Variants in HSD11B1 observed in about 807,000 individuals in gnomAD.
HSD11B1 encodes the protein hydroxysteroid 11-beta dehydrogenase 1, also known as 11-beta-hydroxysteroid dehydrogenase 1.
In HSD11B1, 15 loss-of-function variants were observed where a neutral mutation model predicts 22.1. The ratio of observed to expected loss-of-function variants is 0.68; its 90% confidence interval spans 0.45 to 1.04. HSD11B1 has a LOEUF of 1.04. Among genes scored for constraint, HSD11B1 ranks in the 50% least tolerant of loss-of-function variants. The pLI is 0.00. For missense variants in HSD11B1, 281 were observed against 357.6 expected, an observed-to-expected ratio of 0.79 and a Z score of 1.73; for synonymous variants, 122 against 125.2, an observed-to-expected ratio of 0.97 and a Z score of 0.17.
intron 4 of HSD11B1, 93 bp from the exon 5 acceptor site, chr1:209,732,343 A>T: frequency 7.3e-7 from 1 of 1,365,408 alleles, no homozygotes; most frequent in South Asian, 1.2e-5. Context: ...AAAGGGGTAA[A>T]AGGACACCAT....
chr1:209,718,500 A>AT (rs1451654490), intron 4 of HSD11B1, among the ~76,000 whole-genome samples: 2 of 152,188 alleles, frequency 1.3e-5, no homozygotes, highest in African/African-American at 2.4e-5. Flanking sequence ...GGAAATGCAA[A>AT]TTGAAACTAC....
chr1:209,710,813 T>C (rs542389618), intron 4 of HSD11B1, among the ~76,000 whole-genome samples: 5 of 152,346 alleles, frequency 3.3e-5, no homozygotes, highest in Non-Finnish European at 2.9e-5. Flanking sequence ...CTTGAGAAGC[T>C]CCATAAGTGT....
At chr1:209,720,579 C>T (rs1223378729) in intron 4 of HSD11B1, among the ~76,000 whole-genome samples, 1 of 150,770 alleles carries the variant, frequency 6.6e-6, no homozygotes, top group Non-Finnish European at 1.5e-5. Context: ...GGCATATCAG[C>T]TTGTACAAAA....
At chr1:209,726,623 C>G (rs2077004397) in intron 4 of HSD11B1, among the ~76,000 whole-genome samples, 1 of 152,116 alleles carries the variant, frequency 6.6e-6, no homozygotes, top group East Asian at 1.9e-4. Flanking sequence ...TTAAACCATA[C>G]AAGCATCCAT....
chr1:209,700,712 T>C (rs927213690), upstream of HSD11B1, among the ~76,000 whole-genome samples: 4 of 152,362 alleles, frequency 2.6e-5, no homozygotes, highest in Admixed American at 2.6e-4. Flanking sequence ...TGAACTTTTA[T>C]GCTAGTTTTC....
chr1:209,709,447 T>C lies in HSD11B1; in HGVS notation c.517+2319T>C, dbSNP rs575888258. ...CATCCCGTTACATTGATTAGCCTCC[T>C]CTCCTTCCACCACTTGCTAGTTAGG... On this transcript the variant is annotated intron_variant, in intron 4 of 5. Transcript: ENST00000367027. Among the ~76,000 whole-genome samples the C allele has an allele frequency of 3.3e-5, 5 of 152,334 alleles. No individual in the cohort carries two copies. In the South Asian group the frequency reaches 8.3e-4, roughly 25 times the overall value.
chr1:209,714,785 A>C (rs2076920067), intron 4 of HSD11B1, among the ~76,000 whole-genome samples: 1 of 152,230 alleles, frequency 6.6e-6, no homozygotes, highest in African/African-American at 2.4e-5. Flanking sequence ...AGGTGGCAGC[A>C]CAGATTGAAA....
intron 4 of HSD11B1, among the ~76,000 whole-genome samples, chr1:209,722,086 C>T (rs959648383): frequency 6.6e-6 from 1 of 152,122 alleles, no homozygotes; most frequent in Non-Finnish European, 1.5e-5. Context: ...CAGGCAGAAC[C>T]GGTTTGGGCC....
At position 209,734,409 on chromosome 1, in the gene HSD11B1, T is replaced by C; in HGVS notation, c.767T>C (p.Val256Ala). Reference sequence around the variant, plus strand: ...GGGGGAGCTCTGCGCCAAGAAGAAGTGTATTATGACAGCTCACTCTGGACC... The same window carrying C: ...GGGGGAGCTCTGCGCCAAGAAGAAGCGTATTATGACAGCTCACTCTGGACC... The part of the protein sequence containing the change: ...IKGGALRQEE[V>A]YYDSSLWTTL... Residue 256 changes from valine to alanine, a missense_variant, in exon 6 of 6, where the codon GTG (valine) becomes GCG (alanine). Coordinates refer to ENST00000367027, the MANE Select transcript of HSD11B1 (RefSeq NM_005525.4). 6.2e-7 allele frequency: 1 copy of C among 1,614,004 alleles called. No homozygotes were observed. The highest frequency in any genetic ancestry group is 8.5e-7 in the Non-Finnish European group (1 of 1,179,956).
chr1:209,698,052 A>G (rs1262984630), intron 1 of HSD11B1, among the ~76,000 whole-genome samples: 1 of 151,438 alleles, frequency 6.6e-6, no homozygotes, highest in African/African-American at 2.4e-5. Flanking sequence ...TAGTGTAAGT[A>G]TGTTCCTTTC....
At chr1:209,689,324 T>C (rs1362223740) in intron 1 of HSD11B1, among the ~76,000 whole-genome samples, 1 of 152,094 alleles carries the variant, frequency 6.6e-6, no homozygotes, top group Non-Finnish European at 1.5e-5. Context: ...ACTACAGACA[T>C]TGATGTGTGG....
intron 4 of HSD11B1, 45 bp from the exon 5 acceptor site, chr1:209,732,391 G>A: frequency 1.2e-6 from 2 of 1,612,666 alleles, no homozygotes; most frequent in Non-Finnish European, 1.7e-6. Flanking sequence ...GTAAGAAGGT[G>A]AAATGGGCAG....
In HSD11B1 at chr1:209,694,247, C is replaced by T. The variant is rs2076777753; in HGVS notation, c.-49+7962C>T. Among the ~76,000 whole-genome samples the T allele has an allele frequency of 2.0e-5, 3 of 152,304 alleles. 1 individual carries two copies. The highest frequency in any genetic ancestry group is 4.4e-5 in the Non-Finnish European group (3 of 68,036). On this transcript the variant is annotated intron_variant, in intron 1 of 6. Transcript: ENST00000261465. ...GTATCTGGATGTATAAGAATCAGTT[C>T]ATCCATTACACACTCAAAAAATGCT...
At chr1:209,695,667 G>T (rs1007217787) in intron 1 of HSD11B1, among the ~76,000 whole-genome samples, 2 of 152,060 alleles carry the variant, frequency 1.3e-5, no homozygotes, top group African/African-American at 2.4e-5. Context: ...AATTAGCTGG[G>T]TGTGGTGGTG....
intron 1 of HSD11B1, among the ~76,000 whole-genome samples, chr1:209,696,722 A>G (rs2076793416): frequency 6.6e-6 from 1 of 152,218 alleles, no homozygotes. Flanking sequence ...AAGCCAAGGG[A>G]GGAGGATATT....
chr1:209,716,389 G>A (rs1231643112), intron 4 of HSD11B1, among the ~76,000 whole-genome samples: 1 of 149,114 alleles, frequency 6.7e-6, no homozygotes, highest in African/African-American at 2.4e-5. Flanking sequence ...GACCTCTACA[G>A]GAAAAACTAT....
chr1:209,696,234 C>A (rs150498976), intron 1 of HSD11B1, among the ~76,000 whole-genome samples: 7 of 152,250 alleles, frequency 4.6e-5, no homozygotes, highest in Admixed American at 1.3e-4. Flanking sequence ...CACAAGAAAT[C>A]TTTTTGGGAG....
Position 209,706,696 on chromosome 1 carries a change from T to C in HSD11B1, c.220-13T>C, listed in dbSNP as rs2076861156. 2.5e-6 allele frequency: 4 copies of C among 1,585,782 alleles called. No individual in the cohort carries two copies. Among genetic ancestry groups the C allele is most frequent in the Admixed American group, 3.3e-5 (2 of 59,950 alleles). On this transcript the variant is annotated splice_polypyrimidine_tract_variant and intron_variant, in intron 2 of 5. Transcript: ENST00000367027. The surrounding 1 kb of genome is among the most constrained non-coding windows in gnomAD (Gnocchi z 4.0). Reference sequence around the variant, plus strand: ...CAGCTAAGACTGATGCCATTTCTGCTGTATCACTGCAGGTGGTATCCCACT... The same window carrying C: ...CAGCTAAGACTGATGCCATTTCTGCCGTATCACTGCAGGTGGTATCCCACT...
At chr1:209,696,747 T>G (rs1164797145) in intron 1 of HSD11B1, among the ~76,000 whole-genome samples, 4 of 152,120 alleles carry the variant, frequency 2.6e-5, no homozygotes, top group Non-Finnish European at 1.5e-5. Flanking sequence ...GAGGTTAAAG[T>G]GGCAAGTGAT....
Sources: allele counts gnomAD v4.1 joint callset (sites outside exome capture counted in the v4.1 genomes callset), GRCh38; gene constraint gnomAD v4.1.1; non-coding constraint Gnocchi (gnomAD v3.1); transcripts MANE v1.5; gene names NCBI Gene and HGNC (gene_info 2026-07-23, HGNC 2026-07-21).